Variants in WDR59 observed in about 807,000 individuals in gnomAD.
The protein encoded by WDR59 is WD repeat domain 59, also known as GATOR2 complex protein WDR59.
WDR59 carries 100 observed loss-of-function variants against 131.2 expected under a neutral mutation model. The ratio of observed to expected loss-of-function variants is 0.76; its 90% CI spans 0.65 to 0.90. The LOEUF is 0.90. Among genes scored for constraint, WDR59 ranks in the 40% least tolerant of loss-of-function variants. The pLI, the probability that WDR59 is intolerant of heterozygous loss-of-function variation, is 0.00. For missense variants in WDR59, 1,203 were observed against 1,262.2 expected, an observed-to-expected ratio of 0.95 and a Z score of 0.71; for synonymous variants, 601 against 466.2, an observed-to-expected ratio of 1.29 and a Z score of -3.72.
chr16:74,971,108 G>C (rs992804879), intron 1 of WDR59, among the ~76,000 whole-genome samples: 3 of 152,114 alleles, frequency 2.0e-5, no homozygotes, highest in Middle Eastern at 3.4e-3. Context: ...GGTCCTTCCA[G>C]CTCACAATGT....
At chr16:74,942,395 C>T (rs1390983834) in intron 7 of WDR59, among the ~76,000 whole-genome samples, 1 of 152,138 alleles carries the variant, frequency 6.6e-6, no homozygotes. Context: ...AGCGCCTGGG[C>T]TCCACGGCTT....
chr16:74,941,415 C>CA (rs2032213714), intron 7 of WDR59, among the ~76,000 whole-genome samples: 1 of 151,620 alleles, frequency 6.6e-6, no homozygotes, highest in Non-Finnish European at 1.5e-5. Context: ...AAGATGTGGC[C>CA]AGGCGTGGTG....
intron 14 of WDR59, among the ~76,000 whole-genome samples, chr16:74,911,829 A>C (rs1966108407): frequency 6.6e-6 from 1 of 152,250 alleles, no homozygotes; most frequent in Admixed American, 6.5e-5. Context: ...ATTGGATTGC[A>C]AATCTCCTAA....
intron 1 of WDR59, among the ~76,000 whole-genome samples, chr16:74,975,265 A>G: frequency 6.6e-6 from 1 of 151,960 alleles, no homozygotes; most frequent in African/African-American, 2.4e-5. Context: ...GGAGGCTGAG[A>G]CAGGAGAATC....
intron 8 of WDR59, among the ~76,000 whole-genome samples, chr16:74,929,821 A>C (rs1258158299): frequency 6.6e-6 from 1 of 152,236 alleles, no homozygotes; most frequent in African/African-American, 2.4e-5. Flanking sequence ...AATGTAGTGC[A>C]TATACACAAT....
At chr16:74,915,774 C>T (rs1434827760) in intron 13 of WDR59, 96 bp downstream of exon 13, 1 of 1,563,534 alleles carries the variant, frequency 6.4e-7, no homozygotes, top group East Asian at 2.2e-5. Context: ...GTTAAAGCTG[C>T]AAAGCTATTT....
At chr16:74,903,028 A>G (rs1310640222) in intron 18 of WDR59, among the ~76,000 whole-genome samples, 1 of 152,232 alleles carries the variant, frequency 6.6e-6, no homozygotes, top group Non-Finnish European at 1.5e-5. Flanking sequence ...CAACCCTAAA[A>G]TAAAGTCAGA....
rs796429292 is a variant in WDR59, at chr16:74,979,862, T to C, written c.54+5102A>G. 6.9e-3 allele frequency among the ~76,000 whole-genome samples: 409 copies of C among 59,042 alleles called. 1 individual carries two copies. Among genetic ancestry groups the C allele is most frequent in the African/African-American group, 0.022 (397 of 17,740 alleles). 38.7% of individuals were successfully genotyped at this position (59,042 alleles called of 152,430 possible). A position where few individuals can be genotyped will look rare whatever the true frequency, so the allele number is the denominator to read the frequency against. On this transcript the variant is annotated intron_variant, in intron 1 of 25. Transcript: ENST00000262144. ...CCTTTTTTTTTTTTTTTTTTTTTTT[T>C]CTTTGAGACAGAGCTTCACCTTGTC...
chr16:74,909,598 G>A lies in WDR59; in HGVS notation c.1545C>T (p.Pro515=), dbSNP rs758724216. The change falls in exon 16 of 26, where the codon CCC becomes CCT. Residue 515 remains proline, a synonymous_variant. Transcript: ENST00000262144. ...PFALPNSVTP[P]LPTFARVTTA... is the part of the protein sequence containing the mutation. ...TGGTCACCCGCGCAAACGTCGGTAA[G>A]GGGGGAGTGACAGAGTTGGGGAGTG... 7 of 1,608,910 alleles carry A rather than the reference G, an allele frequency of 4.4e-6. No individual in the cohort carries two copies. The Admixed American group carries it at 6.8e-5, about 16-fold the overall frequency.
intron 25 of WDR59, among the ~76,000 whole-genome samples, chr16:74,882,274 T>C (rs1214376060): frequency 6.6e-6 from 1 of 152,244 alleles, no homozygotes; most frequent in African/African-American, 2.4e-5. Flanking sequence ...ATCATTAATC[T>C]TTTCCTGAGA....
intron 17 of WDR59, among the ~76,000 whole-genome samples, chr16:74,905,151 A>G (rs914822646): frequency 4.6e-5 from 7 of 152,162 alleles, no homozygotes; most frequent in Non-Finnish European, 7.4e-5. Context: ...CAAGGCGGGC[A>G]GATTACCTGA....
At chr16:74,882,611 A>G (rs2144775284) in intron 25 of WDR59, among the ~76,000 whole-genome samples, 1 of 152,044 alleles carries the variant, frequency 6.6e-6, no homozygotes, top group South Asian at 2.1e-4. Context: ...TAGTATCTCT[A>G]CTAAAAATTC....
chr16:74,874,137 C>T lies in WDR59; in HGVS notation c.*72G>A. The T allele has an allele frequency of 7.5e-7, 1 of 1,337,026 alleles. No homozygotes were observed. The highest frequency in any genetic ancestry group is 1.0e-6 in the Non-Finnish European group (1 of 965,340). 82.8% of individuals were successfully genotyped at this position (1,337,026 alleles called of 1,614,324 possible). ...ACGAACCCAGGTTCTGGAGCCTCTCCCCTGACAGACAGCTTGTCACCGGCA... is the reference window on the plus strand; with the variant it reads ...ACGAACCCAGGTTCTGGAGCCTCTCTCCTGACAGACAGCTTGTCACCGGCA... On this transcript the variant is annotated 3_prime_UTR_variant, in exon 26 of 26. Coordinates refer to ENST00000262144, the MANE Select transcript of WDR59 (RefSeq NM_030581.4).
At chr16:74,907,873 T>C (rs1322931172) in intron 17 of WDR59, among the ~76,000 whole-genome samples, 1 of 152,204 alleles carries the variant, frequency 6.6e-6, no homozygotes, top group Non-Finnish European at 1.5e-5. Flanking sequence ...ATGATCCCCA[T>C]GTTACTGTTG....
chr16:74,974,672 G>A (rs1055333337), intron 1 of WDR59, among the ~76,000 whole-genome samples: 4 of 152,106 alleles, frequency 2.6e-5, no homozygotes, highest in Non-Finnish European at 4.4e-5. Flanking sequence ...CGTAGTTTAC[G>A]CTGAGTGCCT....
intron 18 of WDR59, among the ~76,000 whole-genome samples, chr16:74,895,358 G>C (rs1597659212): frequency 6.6e-6 from 1 of 152,152 alleles, no homozygotes; most frequent in African/African-American, 2.4e-5. Context: ...CGCCTCCGGG[G>C]TTCAAGTGAT....
intron 8 of WDR59, among the ~76,000 whole-genome samples, chr16:74,931,405 G>T (rs1306897436): frequency 2.0e-5 from 3 of 151,982 alleles, no homozygotes; most frequent in African/African-American, 7.3e-5. Flanking sequence ...GCACAATCTT[G>T]GCTCAATACA....
chr16:74,886,190 A>AAAAAAAAAAAAAAAAAAAAT, intron 24 of WDR59, 80 bp downstream of exon 24: 1 of 1,448,726 alleles, frequency 6.9e-7, no homozygotes, highest in Non-Finnish European at 9.4e-7. Flanking sequence ...AAAAAAAAAA[A>AAAAAAAAAAAAAAAAAAAAT]GTAAGAGTTG....
chr16:74,922,000 A>G lies in WDR59; in HGVS notation c.833T>C (p.Phe278Ser). 6.2e-7 allele frequency: 1 copy of G among 1,614,148 alleles called. No individual in the cohort carries two copies. Among genetic ancestry groups the G allele is most frequent in the Admixed American group, 1.7e-5 (1 of 60,014 alleles). Residue 278 changes from phenylalanine (F) to serine (S), a missense_variant, in exon 10 of 26, where the codon TTC becomes TCC. Phe to Ser is a radical substitution (Grantham distance 155). Coordinates refer to ENST00000262144, the MANE Select transcript of WDR59 (RefSeq NM_030581.4). ...VFDLNTPVHT[F>S]VGHDDVVLEF... ...CAGGACCACATCATCATGCCCCACGAAGGTGTGGACTGGGGTGTTCAAGTC... is the reference window on the plus strand; with the variant it reads ...CAGGACCACATCATCATGCCCCACGGAGGTGTGGACTGGGGTGTTCAAGTC...
Sources: allele counts gnomAD v4.1 joint callset (sites outside exome capture counted in the v4.1 genomes callset), GRCh38; gene constraint gnomAD v4.1.1; transcripts MANE v1.5; gene names NCBI Gene and HGNC (gene_info 2026-07-23, HGNC 2026-07-21).